TRIM55: variants seen among roughly 807,000 people sequenced by gnomAD.
TRIM55 encodes the protein tripartite motif containing 55, also known as tripartite motif-containing protein 55.
In TRIM55, 50 loss-of-function variants were observed where a neutral mutation model predicts 60.9. That is an observed-to-expected ratio of 0.82 (90% CI 0.65 to 1.04). The LOEUF is 1.04. Ranked by LOEUF, TRIM55 falls within the 50% of genes least tolerant of loss-of-function variation. The pLI is 0.00. For synonymous variants in TRIM55, 237 were observed against 238.1 expected, an observed-to-expected ratio of 1.00 and a Z score of 0.04; for missense variants, 681 against 666.9, an observed-to-expected ratio of 1.02 and a Z score of -0.23.
upstream of TRIM55, among the ~76,000 whole-genome samples, chr8:66,125,919 T>G (rs1453589889): frequency 6.6e-6 from 1 of 152,316 alleles, no homozygotes; most frequent in Middle Eastern, 3.4e-3. Flanking sequence ...AAGCCGAAAT[T>G]TATCACATAT....
At chr8:66,121,455 C>T in the TRIM55 span, among the ~76,000 whole-genome samples, 6 of 152,220 alleles carry the variant, frequency 3.9e-5, no homozygotes, top group Non-Finnish European at 5.9e-5. Flanking sequence ...CAGGAGACTA[C>T]ACTTTGTTGA....
Position 66,160,356 on chromosome 8 carries a change from G to GGTGTGTGT in TRIM55, c.1524+6045_1524+6052dup, listed in dbSNP as rs35422649. Among the ~76,000 whole-genome samples, 885 of 146,044 alleles carry GGTGTGTGT rather than the reference G, an allele frequency of 6.1e-3. 7 individuals carry two copies. Among genetic ancestry groups the GGTGTGTGT allele is most frequent in the African/African-American group, 0.019 (771 of 39,588 alleles). ...TTTTTATGGCTGAGTAGTATTCCATGGTGTGTGTGTGTGTGTGTGTGTGTG... is the reference window on the plus strand; with the variant it reads ...TTTTTATGGCTGAGTAGTATTCCATGGTGTGTGTGTGTGTGTGTGTGTGTGTGTGTGTG... On this transcript the variant is annotated intron_variant, in intron 9 of 9. Transcript: ENST00000315962.
Position 66,150,331 on chromosome 8 carries a change from C to G in TRIM55, c.861-11C>G. On this transcript the variant is annotated splice_polypyrimidine_tract_variant and intron_variant, in intron 6 of 9. Coordinates refer to ENST00000315962, the MANE Select transcript of TRIM55 (RefSeq NM_184085.2). ...ACAGTGACAGAAAGTGGCAACTTGT[C>G]TTTGTTGCAGAATCTCGGAAGCATC... The G allele has an allele frequency of 6.2e-7, 1 of 1,614,134 alleles. No individual in the cohort carries two copies. The highest frequency in any genetic ancestry group is 8.5e-7 in the Non-Finnish European group (1 of 1,180,010).
At chr8:66,138,257 T>C (rs546305979) in intron 4 of TRIM55, among the ~76,000 whole-genome samples, 1 of 152,310 alleles carries the variant, frequency 6.6e-6, no homozygotes, top group East Asian at 1.9e-4. Flanking sequence ...CTCTAACATG[T>C]TTGATGTTCT....
chr8:66,147,772 G>A (rs1465560949), intron 4 of TRIM55, among the ~76,000 whole-genome samples: 2 of 141,164 alleles, frequency 1.4e-5, no homozygotes, highest in African/African-American at 2.6e-5. Flanking sequence ...TCCAGCGTGG[G>A]TGACAGAGCA....
the TRIM55 span, among the ~76,000 whole-genome samples, chr8:66,113,988 C>G: frequency 1.3e-5 from 2 of 151,224 alleles, no homozygotes; most frequent in African/African-American, 4.9e-5. Context: ...GTGCCCGCTC[C>G]CTTCGATAGC....
chr8:66,173,406 T>G (rs771869074), intron 9 of TRIM55, among the ~76,000 whole-genome samples: 2 of 152,212 alleles, frequency 1.3e-5, no homozygotes, highest in Non-Finnish European at 2.9e-5. Flanking sequence ...AAGACTATTT[T>G]GAGTGGCAGT....
intron 4 of TRIM55, among the ~76,000 whole-genome samples, chr8:66,143,964 T>G (rs1451273561): frequency 1.3e-5 from 2 of 152,238 alleles, no homozygotes; most frequent in Admixed American, 6.5e-5. Flanking sequence ...ATGATGGTGC[T>G]TTGCTTGGAA....
intron 4 of TRIM55, among the ~76,000 whole-genome samples, chr8:66,146,878 AT>A (rs1189555015): frequency 6.6e-6 from 1 of 152,170 alleles, no homozygotes; most frequent in Non-Finnish European, 1.5e-5. Context: ...CCCTTGTTCC[AT>A]TACTTTCACA....
At chr8:66,114,080 A>AAC in the TRIM55 span, among the ~76,000 whole-genome samples, 1 of 39,558 alleles carries the variant, frequency 2.5e-5, no homozygotes, top group African/African-American at 1.1e-4. Flanking sequence ...CGAAGGAGAG[A>AAC]CACCCCCCCC....
intron 3 of TRIM55, 108 bp downstream of exon 3, chr8:66,135,263 C>T: frequency 2.6e-6 from 3 of 1,155,562 alleles, no homozygotes; most frequent in Non-Finnish European, 3.8e-6. Flanking sequence ...GAAGCCCAAG[C>T]CACGCAGGGC....
chr8:66,138,841 T>C (rs1809636736), intron 4 of TRIM55, among the ~76,000 whole-genome samples: 1 of 152,246 alleles, frequency 6.6e-6, no homozygotes, highest in Non-Finnish European at 1.5e-5. Context: ...GCACAGTGCC[T>C]GGCATGTGGT....
At chr8:66,120,323 A>C in the TRIM55 span, among the ~76,000 whole-genome samples, 6 of 152,212 alleles carry the variant, frequency 3.9e-5, no homozygotes. Context: ...GGGAGCCTCT[A>C]AATCCTTAGA....
At chr8:66,123,085 C>T (rs951576280), upstream of TRIM55, among the ~76,000 whole-genome samples, 1 of 152,184 alleles carries the variant, frequency 6.6e-6, no homozygotes, top group Non-Finnish European at 1.5e-5. Flanking sequence ...TTCTTCTGCA[C>T]AAGGGCATTG....
chr8:66,163,693 A>G (rs545564954), intron 9 of TRIM55, among the ~76,000 whole-genome samples: 9 of 152,348 alleles, frequency 5.9e-5, no homozygotes, highest in East Asian at 3.9e-4. Context: ...ATGTCTCAGA[A>G]TGTGATCAAC....
chr8:66,121,653 A>C, the TRIM55 span, among the ~76,000 whole-genome samples: 1 of 152,144 alleles, frequency 6.6e-6, no homozygotes, highest in Non-Finnish European at 1.5e-5. Flanking sequence ...GCAAACGCTG[A>C]GCTGTTACCA....
the TRIM55 span, among the ~76,000 whole-genome samples, chr8:66,116,130 A>G: frequency 6.6e-6 from 1 of 151,974 alleles, no homozygotes; most frequent in East Asian, 2.0e-4. Flanking sequence ...AGTAGGAAGA[A>G]CAATGCTAAA....
Position 66,150,423 on chromosome 8 carries a change from C to G in TRIM55, c.942C>G (p.Leu314=), listed in dbSNP as rs1371762934. 2.5e-6 allele frequency: 4 copies of G among 1,613,936 alleles called. No homozygotes were observed. The Admixed American group carries it at 6.7e-5, about 27-fold the overall frequency. The part of the protein sequence containing the change: ...YENMNHFTVN[L]NREEKIIREI... ...ACATGAACCACTTCACAGTCAACCT[C>G]AATAGAGAAGAAAAGATAATACGTG... The change falls in exon 7 of 10, where the codon CTC becomes CTG. Residue 314 remains leucine (L), a synonymous_variant. Coordinates refer to ENST00000315962, the MANE Select transcript of TRIM55 (RefSeq NM_184085.2).
Position 66,154,210 on chromosome 8 carries a change from G to T in TRIM55, c.1400G>T (p.Gly467Val). ...TGCACCCCAGGGAGCGAAGGTCTGG[G>T]GCAAATAGGGCCTCCAGGTTCTGAG... ...PPCTPGSEGL[G>V]QIGPPGSEDS... Residue 467 changes from glycine to valine, a missense_variant, in exon 9 of 10, where the codon GGG (glycine) becomes GTG (valine). Transcript: ENST00000315962. The T allele has an allele frequency of 6.2e-7, 1 of 1,614,024 alleles. No individual in the cohort carries two copies. Among genetic ancestry groups the T allele is most frequent in the South Asian group, 1.1e-5 (1 of 91,066 alleles).
Sources: gnomAD v4.1 joint callset for allele counts (sites outside exome capture counted in the v4.1 genomes callset) on GRCh38, gnomAD v4.1.1 for gene constraint, MANE v1.5 for transcripts, NCBI Gene and HGNC (gene_info 2026-07-23, HGNC 2026-07-21) for gene names.